Variants in TTBK2 observed in about 807,000 individuals in gnomAD.
TTBK2 encodes the protein tau-tubulin kinase 2.
In TTBK2, 28 loss-of-function variants were observed where a neutral mutation model predicts 110.8. The ratio of observed to expected loss-of-function variants is 0.25; its 90% CI spans 0.19 to 0.35. TTBK2 has a LOEUF of 0.35. Ranked by LOEUF, TTBK2 falls within the 10% of genes least tolerant of loss-of-function variation. The pLI, the probability that TTBK2 is intolerant of heterozygous loss-of-function variation, is 1.00. For synonymous variants in TTBK2, 532 were observed against 527.3 expected (o/e 1.01, Z -0.12); for missense variants, 1,369 against 1,500.3 (o/e 0.91, Z 1.45).
chr15:42,795,335 CA>C (rs1484537634), intron 9 of TTBK2, among the ~76,000 whole-genome samples: 3 of 150,514 alleles, frequency 2.0e-5, no homozygotes, highest in African/African-American at 7.3e-5. Context: ...TATAAATTAT[CA>C]AAAAATTGCT....
chr15:42,872,621 T>C lies in TTBK2; in HGVS notation c.207A>G (p.Lys69=), dbSNP rs1410665816. Residue 69 remains lysine, a synonymous_variant, in exon 3 of 15, where the codon AAA becomes AAG. Coordinates refer to ENST00000267890, the MANE Select transcript of TTBK2 (RefSeq NM_173500.4). ...QVLKMEVAVL[K]KLQGKDHVCR... Reference sequence around the variant, plus strand: ...CTACAAAGGGCTTACCTTGCAGCTTTTTCAAAACAGCAACTTCCATTTTCA... The same window carrying C: ...CTACAAAGGGCTTACCTTGCAGCTTCTTCAAAACAGCAACTTCCATTTTCA... 1 of 1,614,170 alleles carries C rather than the reference T, an allele frequency of 6.2e-7. No individual in the cohort carries two copies. Among genetic ancestry groups the C allele is most frequent in the South Asian group, 1.1e-5 (1 of 91,084 alleles).
At chr15:42,903,538 T>A (rs1056113807) in intron 1 of TTBK2, among the ~76,000 whole-genome samples, 1 of 152,194 alleles carries the variant, frequency 6.6e-6, no homozygotes, top group African/African-American at 2.4e-5. Flanking sequence ...CACTCTAAAT[T>A]ACCAGTGGAA....
Position 42,743,856 on chromosome 15 carries a change from T to G in TTBK2, c.*1939A>C, listed in dbSNP as rs2061763741. 1 of 151,944 alleles carries G rather than the reference T, an allele frequency of 6.6e-6. No individual in the cohort carries two copies. Among genetic ancestry groups the G allele is most frequent in the Non-Finnish European group, 1.5e-5 (1 of 67,996 alleles). The allele number at this position is 151,944 out of a possible 1,614,324, so 9.4% of individuals were successfully genotyped here. ...ATGCCAAGAACATAGTTTCAGAAAA[T>G]GAAGATAGGCAAGGCCCAAGTGTAC... On this transcript the variant is annotated 3_prime_UTR_variant, in exon 15 of 15. Transcript: ENST00000267890.
At position 42,811,338 on chromosome 15, in the gene TTBK2, CAT is replaced by C. The variant is rs751514520; in HGVS notation, c.696+348_696+349del. Among the ~76,000 whole-genome samples the C allele has an allele frequency of 4.1e-4, 63 of 152,280 alleles. 1 individual carries two copies. Among genetic ancestry groups the C allele is most frequent in the Middle Eastern group, 3.4e-3 (1 of 294 alleles). ...TCTGATCTACTTTTCTTTATCAACACATGTGTTTACAGTTTTCTAAATCAAAC... is the reference window on the plus strand; with the variant it reads ...TCTGATCTACTTTTCTTTATCAACACGTGTTTACAGTTTTCTAAATCAAAC... On this transcript the variant is annotated intron_variant, in intron 8 of 14. Coordinates refer to ENST00000267890, the MANE Select transcript of TTBK2 (RefSeq NM_173500.4).
chr15:42,822,433 C>A (rs201151772), intron 6 of TTBK2, among the ~76,000 whole-genome samples: 2 of 150,758 alleles, frequency 1.3e-5, no homozygotes, highest in African/African-American at 2.4e-5. Context: ...CAAATGAAAA[C>A]AAAAAAGAAA....
At chr15:42,893,314 C>G (rs1413384227) in intron 1 of TTBK2, among the ~76,000 whole-genome samples, 1 of 151,944 alleles carries the variant, frequency 6.6e-6, no homozygotes, top group East Asian at 1.9e-4. Context: ...GGCAACCTAT[C>G]AAGACCCTGT....
At chr15:42,779,934 G>A (rs919189261) in intron 11 of TTBK2, among the ~76,000 whole-genome samples, 3 of 151,972 alleles carry the variant, frequency 2.0e-5, no homozygotes, top group East Asian at 1.9e-4. Context: ...AGCTGAGATC[G>A]CACCGCTGCA....
rs1388627105 is a variant in TTBK2 at position 42,874,373 on chromosome 15, G to A, written c.70-1615C>T. On this transcript the variant is annotated intron_variant, in intron 2 of 14. Coordinates refer to ENST00000267890, the MANE Select transcript of TTBK2 (RefSeq NM_173500.4). The stretch of plus-strand genomic sequence containing the variant: ...ACACTGTTGCCAGGGCTGGAGTGCA[G>A]TGGCATGATCTTGGCCCACTGCAAC... Among the ~76,000 whole-genome samples the A allele has an allele frequency of 2.0e-5, 3 of 151,808 alleles. No homozygotes were observed. The East Asian group carries it at 5.8e-4, about 30-fold the overall frequency.
chr15:42,902,437 T>C (rs1257324223), intron 1 of TTBK2, among the ~76,000 whole-genome samples: 2 of 151,472 alleles, frequency 1.3e-5, no homozygotes, highest in African/African-American at 4.9e-5. Context: ...GGAGAATCTC[T>C]TGAACCCAGG....
chr15:42,861,113 GTTC>G (rs1236515120), intron 3 of TTBK2, among the ~76,000 whole-genome samples: 1 of 152,060 alleles, frequency 6.6e-6, no homozygotes, highest in African/African-American at 2.4e-5. Flanking sequence ...CATAAAACAA[GTTC>G]TTCTTGACCT....
chr15:42,900,592 C>G (rs768060922), intron 1 of TTBK2, among the ~76,000 whole-genome samples: 1 of 151,870 alleles, frequency 6.6e-6, no homozygotes, highest in South Asian at 2.1e-4. Context: ...CATGGTGGTG[C>G]GTGCCTATAG....
At chr15:42,901,091 T>G (rs943907603) in intron 1 of TTBK2, among the ~76,000 whole-genome samples, 6 of 152,178 alleles carry the variant, frequency 3.9e-5, no homozygotes, top group African/African-American at 1.4e-4. Flanking sequence ...CCGGGCACAG[T>G]GGCTCACACC....
chr15:42,891,357 A>C (rs1339878426), intron 1 of TTBK2, among the ~76,000 whole-genome samples: 6 of 150,938 alleles, frequency 4.0e-5, no homozygotes, highest in Non-Finnish European at 8.9e-5. Flanking sequence ...ACTTTTTTGT[A>C]GAGACAGAGT....
At chr15:42,905,041 T>C (rs2030299838) in intron 1 of TTBK2, among the ~76,000 whole-genome samples, 1 of 151,338 alleles carries the variant, frequency 6.6e-6, no homozygotes, top group Non-Finnish European at 1.5e-5. Flanking sequence ...CCGCCTAATT[T>C]TTGTATTTTT....
chr15:42,815,958 A>AAAAAT lies in TTBK2; in HGVS notation c.603+1073_603+1074insATTTT, dbSNP rs71108183. Among the ~76,000 whole-genome samples the AAAAAT allele has an allele frequency of 4.4e-5, 4 of 91,716 alleles. 1 individual carries two copies. Among genetic ancestry groups the AAAAAT allele is most frequent in the African/African-American group, 2.5e-4 (4 of 16,110 alleles). 60.2% of individuals were successfully genotyped at this position (91,716 alleles called of 152,430 possible). A position where few individuals can be genotyped will look rare whatever the true frequency, so the allele number is the denominator to read the frequency against. On this transcript the variant is annotated intron_variant, in intron 7 of 14. Transcript: ENST00000267890. ...TATATATATATATATTTAAAAAAAA[A>AAAAAT]ATATATATATATATATATATTTGAG... is the stretch of plus-strand genomic sequence containing the variant.
intron 9 of TTBK2, among the ~76,000 whole-genome samples, chr15:42,810,046 T>G (rs1049205579): frequency 6.6e-6 from 1 of 152,132 alleles, no homozygotes; most frequent in Non-Finnish European, 1.5e-5. Context: ...CTGACCAAAT[T>G]CTCCCTGAGA....
In TTBK2 at chr15:42,890,153, T is replaced by C. The variant is rs61069183; in HGVS notation, c.-67-11469A>G. On this transcript the variant is annotated intron_variant, in intron 1 of 14. Transcript: ENST00000267890. ...GTAATTCTCCCCACCCTTGAGAATG[T>C]ACTTTGTGAGATCCACCCCCTGCCT... Among the ~76,000 whole-genome samples, 983 of 152,310 alleles carry C rather than the reference T, an allele frequency of 6.5e-3. 16 individuals carry two copies. In the East Asian group the frequency reaches 0.081, roughly 13 times the overall value.
chr15:42,785,146 G>C (rs1254966602), intron 10 of TTBK2, among the ~76,000 whole-genome samples: 1 of 122,652 alleles, frequency 8.2e-6, no homozygotes, highest in Non-Finnish European at 1.6e-5. Context: ...TTGAGACAGA[G>C]TCAAGCTCTG....
At chr15:42,816,126 A>AT (rs1221024809) in intron 7 of TTBK2, among the ~76,000 whole-genome samples, 1 of 117,680 alleles carries the variant, frequency 8.5e-6, no homozygotes, top group Non-Finnish European at 1.7e-5. Context: ...ATATGTGTAT[A>AT]TTTTTTTTGA....
Sources: gnomAD v4.1 joint callset for allele counts (sites outside exome capture counted in the v4.1 genomes callset) on GRCh38, gnomAD v4.1.1 for gene constraint, MANE v1.5 for transcripts, NCBI Gene and HGNC (gene_info 2026-07-23, HGNC 2026-07-21) for gene names.